Variants in ZNF569 observed in about 807,000 individuals in gnomAD.
ZNF569 encodes the protein zinc finger protein 569.
In ZNF569, 38 loss-of-function variants were observed where a neutral mutation model predicts 56.3. The observed-to-expected ratio is 0.68, with a 90% CI of 0.52 to 0.88. The LOEUF (loss-of-function observed/expected upper bound fraction) is 0.88. Among genes scored for constraint, ZNF569 ranks in the 40% least tolerant of loss-of-function variants. ZNF569 has a pLI of 0.00. For missense variants in ZNF569, 666 were observed against 809.2 expected (o/e 0.82, Z 2.15); for synonymous variants, 241 against 262.9 (o/e 0.92, Z 0.81).
chr19:37,433,441 G>A (rs1023284033), intron 3 of ZNF569, among the ~76,000 whole-genome samples: 1 of 152,106 alleles, frequency 6.6e-6, no homozygotes, highest in Non-Finnish European at 1.5e-5. Context: ...TATTCGATGG[G>A]ATAACAATAG....
intron 5 of ZNF569, among the ~76,000 whole-genome samples, chr19:37,424,033 A>G (rs1325527521): frequency 6.6e-6 from 1 of 152,052 alleles, no homozygotes; most frequent in Admixed American, 6.6e-5. Context: ...GCACACCTAC[A>G]TTACATACAC....
chr19:37,445,946 AC>A (rs921338159), intron 2 of ZNF569, among the ~76,000 whole-genome samples: 78 of 152,064 alleles, frequency 5.1e-4, no homozygotes, highest in African/African-American at 1.5e-3. Context: ...AGAAAAAAAA[AC>A]AATCCTAAAA....
At chr19:37,443,640 A>G (rs1197453159) in intron 3 of ZNF569, among the ~76,000 whole-genome samples, 3 of 152,180 alleles carry the variant, frequency 2.0e-5, no homozygotes, top group Non-Finnish European at 4.4e-5. Context: ...TGCCCATTGA[A>G]AAAGATAATT....
intron 5 of ZNF569, among the ~76,000 whole-genome samples, chr19:37,415,229 T>C (rs1403009690): frequency 1.3e-5 from 2 of 152,112 alleles, no homozygotes; most frequent in African/African-American, 2.4e-5. Context: ...AGTACATTTT[T>C]TCCAGGGATA....
intron 2 of ZNF569, among the ~76,000 whole-genome samples, chr19:37,452,070 T>G (rs2041602720): frequency 6.6e-6 from 1 of 152,202 alleles, no homozygotes; most frequent in African/African-American, 2.4e-5. Context: ...TTCTTTCTCT[T>G]TTGTGTAGCC....
Position 37,414,302 on chromosome 19 carries a change from A to G in ZNF569, c.356T>C (p.Phe119Ser). The G allele has an allele frequency of 6.2e-7, 1 of 1,613,616 alleles. No homozygotes were observed. The highest frequency in any genetic ancestry group is 1.7e-4 in the Middle Eastern group (1 of 6,056). The change falls in exon 6 of 6, where the codon TTT (phenylalanine) becomes TCT (serine). Residue 119 changes from phenylalanine (F) to serine (S), a missense_variant. Phe to Ser is a radical substitution (Grantham distance 155). Coordinates refer to ENST00000316950, the MANE Select transcript of ZNF569 (RefSeq NM_152484.3). ...EEKGNECQKKFANVFPLNSDF... is the reference protein window; with the variant it reads ...EEKGNECQKKSANVFPLNSDF... The stretch of plus-strand genomic sequence containing the variant: ...AGAGTTCAGAGGAAATACATTTGCA[A>G]ATTTCTTTTGACATTCATTGCCTTT...
intron 2 of ZNF569, among the ~76,000 whole-genome samples, chr19:37,459,807 G>A (rs1474346259): frequency 1.3e-5 from 2 of 152,106 alleles, no homozygotes; most frequent in South Asian, 2.1e-4. Context: ...ACATAACAAC[G>A]GAGAAGAAGG....
intron 2 of ZNF569, among the ~76,000 whole-genome samples, chr19:37,462,768 TTCTC>T (rs2041775370): frequency 6.6e-6 from 1 of 152,204 alleles, no homozygotes; most frequent in South Asian, 2.1e-4. Context: ...GCCTCTACCT[TTCTC>T]TATCTATCCT....
intron 2 of ZNF569, among the ~76,000 whole-genome samples, chr19:37,450,399 A>G (rs2041572794): frequency 6.6e-6 from 1 of 152,062 alleles, no homozygotes; most frequent in South Asian, 2.1e-4. Context: ...TGTTTCTAGG[A>G]ATTTAATTTT....
At chr19:37,423,679 A>G (rs2041075621) in intron 5 of ZNF569, among the ~76,000 whole-genome samples, 1 of 152,204 alleles carries the variant, frequency 6.6e-6, no homozygotes, top group South Asian at 2.1e-4. Flanking sequence ...AATCAGCTCA[A>G]TATGTTAAGA....
At chr19:37,425,545 TCTC>T (rs1325128550) in intron 5 of ZNF569, 2 of 163,398 alleles carry the variant, frequency 1.2e-5, no homozygotes, top group Non-Finnish European at 2.6e-5. Context: ...ATGGTTGTGA[TCTC>T]CTGACCTCAT....
intron 2 of ZNF569, among the ~76,000 whole-genome samples, chr19:37,457,017 T>G (rs2041682649): frequency 6.7e-6 from 1 of 150,076 alleles, no homozygotes; most frequent in Non-Finnish European, 1.5e-5. Flanking sequence ...ACTACAAAAA[T>G]GTTGGAAGAT....
upstream of ZNF569, among the ~76,000 whole-genome samples, chr19:37,468,819 G>A (rs1174803216): frequency 6.6e-6 from 1 of 152,210 alleles, no homozygotes; most frequent in African/African-American, 2.4e-5. Flanking sequence ...GGTAGCGGGT[G>A]GGAGACTGCC....
At chr19:37,461,170 C>T (rs907073866) in intron 2 of ZNF569, among the ~76,000 whole-genome samples, 20 of 151,942 alleles carry the variant, frequency 1.3e-4, no homozygotes, top group African/African-American at 4.1e-4. Context: ...AGCTAGTAAA[C>T]GAAGTAATGA....
intron 3 of ZNF569, among the ~76,000 whole-genome samples, chr19:37,433,435 C>T (rs188925281): frequency 4.6e-5 from 7 of 151,990 alleles, no homozygotes; most frequent in Non-Finnish European, 7.4e-5. Flanking sequence ...AAAGTTTATT[C>T]GATGGGATAA....
At chr19:37,448,657 G>A (rs915281987) in intron 2 of ZNF569, among the ~76,000 whole-genome samples, 2 of 145,194 alleles carry the variant, frequency 1.4e-5, no homozygotes, top group African/African-American at 5.1e-5. Context: ...TCCGCCTCCC[G>A]GGTTCACGCC....
chr19:37,426,049 G>T, intron 4 of ZNF569, 86 bp from the exon 5 acceptor site: 1 of 1,458,836 alleles, frequency 6.9e-7, no homozygotes, highest in Non-Finnish European at 9.5e-7. Context: ...AGGAAAACCA[G>T]GCTAAAGGAC....
intron 5 of ZNF569, among the ~76,000 whole-genome samples, chr19:37,418,244 A>G (rs890940487): frequency 2.0e-5 from 3 of 152,122 alleles, no homozygotes; most frequent in Admixed American, 6.6e-5. Flanking sequence ...AGGAAGGTTA[A>G]AAACTGGATG....
intron 5 of ZNF569, among the ~76,000 whole-genome samples, chr19:37,416,458 G>T (rs529795409): frequency 6.6e-6 from 1 of 152,114 alleles, no homozygotes; most frequent in African/African-American, 2.4e-5. Flanking sequence ...TTGGGGACTG[G>T]TTCCAGGACC....
Sources: gnomAD v4.1 joint callset for allele counts (sites outside exome capture counted in the v4.1 genomes callset) on GRCh38, gnomAD v4.1.1 for gene constraint, MANE v1.5 for transcripts, NCBI Gene and HGNC (gene_info 2026-07-23, HGNC 2026-07-21) for gene names.